CRADD: variants seen among roughly 807,000 people sequenced by gnomAD.
CRADD encodes the protein death domain-containing protein CRADD.
Under a neutral mutation model 15.5 loss-of-function variants are expected in CRADD, and 9 were observed. That is an observed-to-expected ratio of 0.58 (90% CI 0.35 to 1.01). The LOEUF (loss-of-function observed/expected upper bound fraction) is 1.01. CRADD is among the 50% of genes least tolerant of loss of function. The pLI is 0.02. For missense variants in CRADD, 227 were observed against 250.3 expected (o/e 0.91, Z 0.63); for synonymous variants, 118 against 107.6 (o/e 1.10, Z -0.60).
At chr12:93,720,626 G>A (rs529137100) in intron 2 of CRADD, among the ~76,000 whole-genome samples, 3 of 152,038 alleles carry the variant, frequency 2.0e-5, no homozygotes, top group Admixed American at 6.6e-5. Context: ...TGATTGTTAC[G>A]TATTCTTGGA....
In CRADD at chr12:93,774,869, G is replaced by T. The variant is rs185103327; in HGVS notation, c.299-75101G>T. 2.2e-3 allele frequency among the ~76,000 whole-genome samples: 340 copies of T among 152,326 alleles called. 1 individual carries two copies. The highest frequency in any genetic ancestry group is 3.6e-3 in the Non-Finnish European group (242 of 68,030). ...ACACAATAATTACTAAATGAAATGA[G>T]GAGCAAGGAAGCAACAAGGTGGAAG... On this transcript the variant is annotated intron_variant, in intron 2 of 2. Transcript: ENST00000332896.
chr12:93,823,913 T>C (rs1307331108), intron 2 of CRADD, among the ~76,000 whole-genome samples: 2 of 152,188 alleles, frequency 1.3e-5, no homozygotes, highest in Admixed American at 1.3e-4. Context: ...TTGTCAAATA[T>C]CAGAGAGTCT....
At chr12:93,844,305 A>T (rs375640793) in intron 2 of CRADD, among the ~76,000 whole-genome samples, 2 of 151,886 alleles carry the variant, frequency 1.3e-5, no homozygotes, top group East Asian at 1.9e-4. Flanking sequence ...CATCCTTGGG[A>T]CTCTCATTTT....
chr12:93,799,357 T>C (rs978280805), intron 2 of CRADD, among the ~76,000 whole-genome samples: 5 of 152,166 alleles, frequency 3.3e-5, no homozygotes, highest in African/African-American at 9.7e-5. Flanking sequence ...ATGCATTTTA[T>C]ATTGTAACCC....
chr12:93,884,078 G>C (rs1317533584), intron 2 of CRADD, among the ~76,000 whole-genome samples: 1 of 152,140 alleles, frequency 6.6e-6, no homozygotes, highest in Non-Finnish European at 1.5e-5. Context: ...CCCTGGTACG[G>C]GTGAGAGGGG....
At chr12:93,866,071 T>C (rs1264881695) in intron 2 of CRADD, among the ~76,000 whole-genome samples, 2 of 152,312 alleles carry the variant, frequency 1.3e-5, no homozygotes, top group East Asian at 3.9e-4. Context: ...AGCTTTAGAA[T>C]TTTTTCTTTG....
Position 93,732,209 on chromosome 12 carries a change from T to C in CRADD, c.298+53137T>C, listed in dbSNP as rs139656585. ...TATATGACATGAGCAATTTGCACAG[T>C]GACTTTGAACATTATCCTGACCATC... is the stretch of plus-strand genomic sequence containing the variant. On this transcript the variant is annotated intron_variant, in intron 2 of 2. Transcript: ENST00000332896. Among the ~76,000 whole-genome samples the C allele has an allele frequency of 6.0e-3, 907 of 151,950 alleles. 6 individuals are homozygous for C. Among genetic ancestry groups the C allele is most frequent in the African/African-American group, 0.021 (866 of 41,462 alleles).
intron 2 of CRADD, among the ~76,000 whole-genome samples, chr12:93,858,207 C>G (rs1004641027): frequency 6.6e-6 from 1 of 152,160 alleles, no homozygotes; most frequent in Non-Finnish European, 1.5e-5. Context: ...GTGTGAAAGA[C>G]AAAATACACC....
intron 2 of CRADD, among the ~76,000 whole-genome samples, chr12:93,788,477 C>G (rs1957307034): frequency 6.6e-6 from 1 of 152,166 alleles, no homozygotes; most frequent in Non-Finnish European, 1.5e-5. Context: ...TGTGTGTGGT[C>G]TCTGAGGCCC....
rs753717805 is a variant in CRADD at position 93,678,880 on chromosome 12, T to C, written c.106T>C (p.Leu36=). The change falls in exon 2 of 3, where the codon TTG becomes CTG. Residue 36 remains leucine, a synonymous_variant. Transcript: ENST00000332896. ...VLQYLYQEGI[L]TENHIQEINA... ...TCAGTACCTCTACCAGGAAGGAATC[T>C]TGACGGAAAACCATATTCAAGAAAT... 2 of 1,614,192 alleles carry C rather than the reference T, an allele frequency of 1.2e-6. No individual in the cohort carries two copies. The highest frequency in any genetic ancestry group is 1.7e-6 in the Non-Finnish European group (2 of 1,180,032).
At chr12:93,682,126 G>C (rs1379378169) in intron 2 of CRADD, among the ~76,000 whole-genome samples, 14 of 152,162 alleles carry the variant, frequency 9.2e-5, no homozygotes. Flanking sequence ...CCTGGGAAGA[G>C]TATCAGAGTT....
chr12:93,889,374 T>C (rs1273056171), intron 2 of CRADD, among the ~76,000 whole-genome samples: 1 of 152,136 alleles, frequency 6.6e-6, no homozygotes. Context: ...CAGGTGCTCT[T>C]CTGACCACAC....
chr12:93,807,800 A>G (rs2137003977), intron 2 of CRADD, among the ~76,000 whole-genome samples: 1 of 152,056 alleles, frequency 6.6e-6, no homozygotes, highest in East Asian at 1.9e-4. Flanking sequence ...GAGTACATCC[A>G]TCAGTCAGCA....
chr12:93,720,575 C>T lies in CRADD; in HGVS notation c.298+41503C>T, dbSNP rs149983768. Among the ~76,000 whole-genome samples the T allele has an allele frequency of 2.0e-4, 31 of 152,314 alleles. 1 individual carries two copies. The East Asian group carries it at 5.6e-3, about 27-fold the overall frequency. ...TCTTACAGTTCTATCAGTTTTACCT[C>T]ATGTATTTTAATGCTCTGTTGTTAG... On this transcript the variant is annotated intron_variant, in intron 2 of 2. Transcript: ENST00000332896.
At chr12:93,692,976 G>C (rs1399708231) in intron 2 of CRADD, among the ~76,000 whole-genome samples, 1 of 152,152 alleles carries the variant, frequency 6.6e-6, no homozygotes, top group Non-Finnish European at 1.5e-5. Context: ...GTGGAGTAAA[G>C]TGTAGAATTT....
At chr12:93,877,209 G>A (rs572590814) in intron 2 of CRADD, among the ~76,000 whole-genome samples, 75 of 152,270 alleles carry the variant, frequency 4.9e-4, no homozygotes, top group African/African-American at 1.6e-3. Flanking sequence ...GGGGTGTAGC[G>A]ACACAAGAAC....
intron 2 of CRADD, among the ~76,000 whole-genome samples, chr12:93,719,653 TTGTG>T (rs887379713): frequency 1.3e-5 from 2 of 152,308 alleles, no homozygotes; most frequent in African/African-American, 4.8e-5. Flanking sequence ...TTGTTTATTT[TTGTG>T]TGTGAGTATT....
chr12:93,867,007 A>G (rs2137063278), intron 2 of CRADD, among the ~76,000 whole-genome samples: 1 of 152,200 alleles, frequency 6.6e-6, no homozygotes, highest in African/African-American at 2.4e-5. Context: ...TTTTCTGATC[A>G]CACAAAGTAA....
At chr12:93,806,473 CAAAAAAAA>C (rs1957540417) in intron 2 of CRADD, among the ~76,000 whole-genome samples, 1 of 79,208 alleles carries the variant, frequency 1.3e-5, no homozygotes, top group Non-Finnish European at 2.6e-5. Context: ...AAAAAAAAAA[CAAAAAAAA>C]GAAAAAAAAG....
Sources: allele counts gnomAD v4.1 joint callset (sites outside exome capture counted in the v4.1 genomes callset), GRCh38; gene constraint gnomAD v4.1.1; transcripts MANE v1.5; gene names NCBI Gene and HGNC (gene_info 2026-07-23, HGNC 2026-07-21).